KIRREL2: variants seen among roughly 807,000 people sequenced by gnomAD.
KIRREL2 encodes kin of IRRE-like protein 2.
A neutral mutation model predicts 73.4 loss-of-function variants in KIRREL2; 56 were observed. That is an observed-to-expected ratio of 0.76 (90% confidence interval 0.62 to 0.95). The LOEUF is 0.95. KIRREL2 is among the 40% of genes least tolerant of loss of function. The pLI is 0.00. For synonymous variants in KIRREL2, 407 were observed against 404.0 expected, an observed-to-expected ratio of 1.01 and a Z score of -0.09; for missense variants, 896 against 935.0, an observed-to-expected ratio of 0.96 and a Z score of 0.54.
At position 35,866,433 on chromosome 19, in the gene KIRREL2, C is replaced by A; in HGVS notation, c.2068C>A (p.Pro690Thr). ...CCCAGATCTGGCCCCCGGGACTCCC[C>A]CCTTCCCATATGCTGCCTTCCCCAC... ...GPPDLAPGTP[P>T]FPYAAFPTPS... Residue 690 changes from proline to threonine, a missense_variant, in exon 15 of 15, where the codon CCC becomes ACC. Pro to Thr is a conservative substitution (Grantham distance 38). Coordinates refer to ENST00000360202, the MANE Select transcript of KIRREL2 (RefSeq NM_199180.4). The A allele has an allele frequency of 6.2e-7, 1 of 1,606,696 alleles. No homozygotes were observed. The highest frequency in any genetic ancestry group is 8.5e-7 in the Non-Finnish European group (1 of 1,173,276).
chr19:35,859,800 T>G (rs1279193320), intron 5 of KIRREL2, among the ~76,000 whole-genome samples, 169 bp downstream of exon 5: 1 of 152,086 alleles, frequency 6.6e-6, no homozygotes, highest in Non-Finnish European at 1.5e-5. Flanking sequence ...CTCACAGAAC[T>G]TTGGGAGGTC....
In KIRREL2 at chr19:35,858,845, A is replaced by G. The variant is rs748261044; in HGVS notation, c.503A>G (p.Asp168Gly). 15 of 1,614,116 alleles carry G rather than the reference A, an allele frequency of 9.3e-6. No homozygotes were observed. Among genetic ancestry groups the G allele is most frequent in the Non-Finnish European group, 1.0e-5 (12 of 1,180,028 alleles). Residue 168 changes from aspartate to glycine, a missense_variant, in exon 4 of 15, where the codon GAT (aspartate) becomes GGT (glycine). By Grantham distance (94) the Asp-to-Gly change is moderately conservative. Transcript: ENST00000360202. Reference sequence around the variant, plus strand: ...TGGTTCCGAGATGGGGTCCTGTTGGATGGAGCCACCTTCCATCAGGTCAGG... The same window carrying G: ...TGGTTCCGAGATGGGGTCCTGTTGGGTGGAGCCACCTTCCATCAGGTCAGG... ...LLWFRDGVLL[D>G]GATFHQTLLK...
At position 35,859,602 on chromosome 19, in the gene KIRREL2, G is replaced by A. The variant is rs1229483096; in HGVS notation, c.644G>A (p.Arg215Lys). The A allele has an allele frequency of 6.2e-7, 1 of 1,613,974 alleles. No individual in the cohort carries two copies. Among genetic ancestry groups the A allele is most frequent in the East Asian group, 2.2e-5 (1 of 44,894 alleles). ...CGGAGCCAGGCCCTGCCCACAGGAA[G>A]AGACACAGCTATCACACTGAGCCTG... The part of the protein sequence containing the change: ...RARSQALPTG[R>K]DTAITLSLQY... Residue 215 changes from arginine to lysine, a missense_variant, in exon 5 of 15, where the codon AGA becomes AAA. Physicochemically the swap from Arg to Lys is conservative, Grantham distance 26. Transcript: ENST00000360202.
upstream of KIRREL2, chr19:35,851,740 G>A: frequency 1.3e-6 from 2 of 1,558,624 alleles, no homozygotes. Context: ...GGGAAATGGG[G>A]GCCACTTGGC....
chr19:35,856,886 G>A (rs1353769980), upstream of KIRREL2: 3 of 591,804 alleles, frequency 5.1e-6, no homozygotes, highest in Non-Finnish European at 9.1e-6. The surrounding 1 kb of genome is among the most constrained non-coding windows in gnomAD (Gnocchi z 5.9). Context: ...GGGGCGAGCG[G>A]GATCGGGCCC....
Position 35,860,453 on chromosome 19 carries a change from G to A in KIRREL2, c.779+51G>A, listed in dbSNP as rs149123740. On this transcript the variant is annotated intron_variant, in intron 6 of 14. Transcript: ENST00000360202. The stretch of plus-strand genomic sequence containing the variant: ...CAGCCCCAAGAGTGAGCTTGGGAAG[G>A]GCTGGGACCTGAGTAGGTGTGCCAG... The A allele has an allele frequency of 1.9e-5, 30 of 1,606,182 alleles. No individual in the cohort carries two copies. The African/African-American group carries it at 3.6e-4, about 19-fold the overall frequency.
upstream of KIRREL2, chr19:35,855,868 G>C (rs1036256246): frequency 3.9e-5 from 6 of 152,010 alleles, no homozygotes; most frequent in Non-Finnish European, 7.3e-5. Flanking sequence ...CCATGCACTT[G>C]AGTGCACCTT....
At position 35,863,424 on chromosome 19, in the gene KIRREL2, A is replaced by ATTTTT. The variant is rs1410982721; in HGVS notation, c.1725+402_1725+406dup. Reference sequence around the variant, plus strand: ...GGCTACAGAGCAAGACCCTGTCTCCATTTTTTTTTTTTTTTTTTATGTAGG... The same window carrying ATTTTT: ...GGCTACAGAGCAAGACCCTGTCTCCATTTTTTTTTTTTTTTTTTTTTTTATGTAGG... On this transcript the variant is annotated intron_variant, in intron 13 of 14. Coordinates refer to ENST00000360202, the MANE Select transcript of KIRREL2 (RefSeq NM_199180.4). Among the ~76,000 whole-genome samples the ATTTTT allele has an allele frequency of 4.9e-3, 593 of 120,318 alleles. 6 individuals carry two copies. The highest frequency in any genetic ancestry group is 0.018 in the African/African-American group (554 of 30,864). The allele number at this position is 120,318 out of a possible 152,430, so 78.9% of individuals were successfully genotyped here.
chr19:35,855,183 C>T (rs547129586), upstream of KIRREL2, among the ~76,000 whole-genome samples: 2 of 152,068 alleles, frequency 1.3e-5, no homozygotes, highest in South Asian at 2.1e-4. Context: ...CTCTCTACAC[C>T]CCCTGGGAAA....
At chr19:35,858,310 G>A (rs1241863870) in intron 2 of KIRREL2, 98 bp from the exon 3 acceptor site, 1 of 1,414,014 alleles carries the variant, frequency 7.1e-7, no homozygotes, top group South Asian at 1.3e-5. Flanking sequence ...ACCACCAAAT[G>A]TGTGGGCCAG....
At chr19:35,855,694 C>CACAT (rs1973397134), upstream of KIRREL2, among the ~76,000 whole-genome samples, 1 of 148,034 alleles carries the variant, frequency 6.8e-6, no homozygotes, top group Non-Finnish European at 1.5e-5. Context: ...CACACACACA[C>CACAT]ACACACACAC....
At chr19:35,857,764 G>C (rs1476105756) in intron 2 of KIRREL2, among the ~76,000 whole-genome samples, 3 of 152,000 alleles carry the variant, frequency 2.0e-5, no homozygotes, top group Admixed American at 1.3e-4. Context: ...CCAGAGGATC[G>C]CTTGAAACCA....
rs776133283 is a variant in KIRREL2 at position 35,861,805 on chromosome 19, G to A, written c.1291G>A (p.Val431Ile). The change falls in exon 11 of 15, where the codon GTC (valine) becomes ATC (isoleucine). Residue 431 changes from valine (V) to isoleucine (I), a missense_variant and splice_region_variant. Transcript: ENST00000360202. ...VFASPAPDAVVWSWDEGFLEA... is the reference protein window; with the variant it reads ...VFASPAPDAVIWSWDEGFLEA... ...TGTCCTCCCTCTTTTGTGCCCCCAG[G>A]TCTGGTCTTGGGATGAGGGCTTCCT... 6.3e-7 allele frequency: 1 copy of A among 1,587,828 alleles called. No homozygotes were observed. Among genetic ancestry groups the A allele is most frequent in the Admixed American group, 1.8e-5 (1 of 54,686 alleles).
rs546745400 is a variant in KIRREL2, at chr19:35,861,869, T to C, written c.1355T>C (p.Phe452Ser). Reference sequence around the variant, plus strand: ...CAGGGCCGGTTCCTGGTGGAGACATTCCCTGCCCCAGAGAGCCGCGGGGGA... The same window carrying C: ...CAGGGCCGGTTCCTGGTGGAGACATCCCCTGCCCCAGAGAGCCGCGGGGGA... ...GSQGRFLVET[F>S]PAPESRGGLG... The change falls in exon 11 of 15, where the codon TTC (phenylalanine) becomes TCC (serine). Residue 452 changes from phenylalanine to serine, a missense_variant. Phe to Ser is a radical substitution (Grantham distance 155). Transcript: ENST00000360202. 50 of 1,593,378 alleles carry C rather than the reference T, an allele frequency of 3.1e-5. No individual in the cohort carries two copies. In the South Asian group the frequency reaches 4.3e-4, roughly 14 times the overall value.
Position 35,864,582 on chromosome 19 carries a change from T to C in KIRREL2, c.1726-66T>C, listed in dbSNP as rs190796796. 2,488 of 1,377,182 alleles carry C rather than the reference T, an allele frequency of 1.8e-3. 3 individuals are homozygous for C. Among genetic ancestry groups the C allele is most frequent in the Non-Finnish European group, 2.3e-3 (2,230 of 966,770 alleles). 85.3% of individuals were successfully genotyped at this position (1,377,182 alleles called of 1,614,324 possible). A position where few individuals can be genotyped will look rare whatever the true frequency, so the allele number is the denominator to read the frequency against. ...GCCTCCACTGGCTGGCTGAAGGTCC[T>C]TGGGGTCTGGCATTGGGGCGGGGGG... On this transcript the variant is annotated intron_variant, in intron 13 of 14. Transcript: ENST00000360202.
At chr19:35,864,799 G>C in intron 14 of KIRREL2, 86 bp downstream of exon 14, 1 of 1,043,764 alleles carries the variant, frequency 9.6e-7, no homozygotes, top group Admixed American at 2.0e-5. Flanking sequence ...TCCCACGCCT[G>C]TCCCCTCCTT....
upstream of KIRREL2, chr19:35,851,554 G>C (rs747108392): frequency 5.6e-6 from 9 of 1,613,862 alleles, no homozygotes; most frequent in Non-Finnish European, 7.6e-6. Flanking sequence ...GCACCGCACT[G>C]CCAGGGGTGC....
At position 35,862,610 on chromosome 19, in the gene KIRREL2, G is replaced by C. The variant is rs1156689614; in HGVS notation, c.1615+13G>C. 1 of 1,589,292 alleles carries C rather than the reference G, an allele frequency of 6.3e-7. No individual in the cohort carries two copies. Among genetic ancestry groups the C allele is most frequent in the Non-Finnish European group, 8.6e-7 (1 of 1,166,358 alleles). ...CGCCACAGCAAGGGTTAGTGCCTGAGCCCCGCCCCGGCTCCCGAGGCCCCA... is the reference window on the plus strand; with the variant it reads ...CGCCACAGCAAGGGTTAGTGCCTGACCCCCGCCCCGGCTCCCGAGGCCCCA... On this transcript the variant is annotated intron_variant, in intron 12 of 14. Coordinates refer to ENST00000360202, the MANE Select transcript of KIRREL2 (RefSeq NM_199180.4).
chr19:35,864,412 AC>A (rs1366292179), intron 13 of KIRREL2, among the ~76,000 whole-genome samples: 1 of 150,990 alleles, frequency 6.6e-6, no homozygotes, highest in Non-Finnish European at 1.5e-5. Context: ...CTGGTCTCAA[AC>A]TTCTGGCCTC....
Sources: gnomAD v4.1 joint callset for allele counts (sites outside exome capture counted in the v4.1 genomes callset) on GRCh38, gnomAD v4.1.1 for gene constraint, Gnocchi (gnomAD v3.1) non-coding constraint, MANE v1.5 for transcripts, NCBI Gene and HGNC (gene_info 2026-07-23, HGNC 2026-07-21) for gene names.